Variants in OR1J4 observed in about 807,000 individuals in gnomAD.
The protein encoded by OR1J4 is olfactory receptor 1J4.
For synonymous variants in OR1J4, 154 were observed against 152.6 expected (o/e 1.01, Z -0.07); for missense variants, 350 against 371.1 (o/e 0.94, Z 0.47).
chr9:122,519,827 A>G lies in OR1J4; in HGVS notation c.687A>G (p.Pro229=). Residue 229 remains proline (P), a synonymous_variant, in exon 1 of 1, where the codon CCA becomes CCG. Coordinates refer to ENST00000340750, the MANE Select transcript of OR1J4 (RefSeq NM_001004452.1). ...TTGGGGTCACCATCCTCAAGGCTCCATCTACTAAGGGCATCTTCAAAGCTT... is the reference window on the plus strand; with the variant it reads ...TTGGGGTCACCATCCTCAAGGCTCCGTCTACTAAGGGCATCTTCAAAGCTT... The part of the protein sequence containing the change: ...GHIGVTILKA[P]STKGIFKALS... 1 of 1,614,106 alleles carries G rather than the reference A, an allele frequency of 6.2e-7. No individual in the cohort carries two copies. Among genetic ancestry groups the G allele is most frequent in the Non-Finnish European group, 8.5e-7 (1 of 1,180,030 alleles).
rs2119392024 is a variant in OR1J4, at chr9:122,519,818, C to G, written c.678C>G (p.Leu226=). 1 of 1,614,152 alleles carries G rather than the reference C, an allele frequency of 6.2e-7. No homozygotes were observed. ...ISYGHIGVTI[L]KAPSTKGIFK... ...ATGGCCACATTGGGGTCACCATCCTCAAGGCTCCATCTACTAAGGGCATCT... is the reference window on the plus strand; with the variant it reads ...ATGGCCACATTGGGGTCACCATCCTGAAGGCTCCATCTACTAAGGGCATCT... The change falls in exon 1 of 1, where the codon CTC becomes CTG. Residue 226 remains leucine, a synonymous_variant. Transcript: ENST00000340750.
Position 122,519,706 on chromosome 9 carries a change from G to A in OR1J4, c.566G>A (p.Cys189Tyr), listed in dbSNP as rs1159252424. The A allele has an allele frequency of 6.2e-7, 1 of 1,614,018 alleles. No individual in the cohort carries two copies. The highest frequency in any genetic ancestry group is 2.2e-5 in the East Asian group (1 of 44,878). The change falls in exon 1 of 1, where the codon TGC becomes TAC. Residue 189 changes from cysteine to tyrosine, a missense_variant. Physicochemically the swap from Cys to Tyr is radical, Grantham distance 194. Transcript: ENST00000340750. ...CTTGTTGCCCTACTCAAGCTCTCAT[G>A]CTCAGACATCTCCCTCAATGAGCTG... ...CDLVALLKLS[C>Y]SDISLNELVI... is the part of the protein sequence containing the mutation.
chr9:122,519,932 CA>C lies in OR1J4; in HGVS notation c.793del (p.Ser265ValfsTer8), dbSNP rs765719432. The stretch of plus-strand genomic sequence containing the variant: ...TTGGACTGTATTTTCTCCCCTCATC[CA>C]GTGCCTCCAGTGACAAGGACGTAAT... ...IIGLYFLPSS[S>X]ASSDKDVIAS... On this transcript the variant is annotated frameshift_variant, in exon 1 of 1. Coordinates refer to ENST00000340750, the MANE Select transcript of OR1J4 (RefSeq NM_001004452.1). LOFTEE classifies it low-confidence loss of function (END_TRUNC). The C allele has an allele frequency of 6.2e-7, 1 of 1,614,166 alleles. No homozygotes were observed. Among genetic ancestry groups the C allele is most frequent in the Non-Finnish European group, 8.5e-7 (1 of 1,180,036 alleles).
In OR1J4 at chr9:122,519,324, T is replaced by G; in HGVS notation, c.184T>G (p.Phe62Val). ...DSHLHTPMFF[F>V]LSHLALTDIS... is the part of the protein sequence containing the mutation. ...TCACCTTCACACCCCCATGTTCTTCTTCCTCAGCCACTTGGCTCTCACTGA... is the reference window on the plus strand; with the variant it reads ...TCACCTTCACACCCCCATGTTCTTCGTCCTCAGCCACTTGGCTCTCACTGA... Residue 62 changes from phenylalanine (F) to valine (V), a missense_variant, in exon 1 of 1, where the codon TTC becomes GTC. Coordinates refer to ENST00000340750, the MANE Select transcript of OR1J4 (RefSeq NM_001004452.1). 6.2e-7 allele frequency: 1 copy of G among 1,614,154 alleles called. No individual in the cohort carries two copies. The highest frequency in any genetic ancestry group is 8.5e-7 in the Non-Finnish European group (1 of 1,180,022).
rs373116349 is a variant in OR1J4, at chr9:122,520,066, C to T, written c.926C>T (p.Thr309Ile). The T allele has an allele frequency of 1.7e-5, 28 of 1,611,592 alleles. No individual in the cohort carries two copies. In the African/African-American group the frequency reaches 3.5e-4, roughly 20 times the overall value. Residue 309 changes from threonine (T) to isoleucine (I), a missense_variant, in exon 1 of 1, where the codon ACA becomes ATA. Coordinates refer to ENST00000340750, the MANE Select transcript of OR1J4 (RefSeq NM_001004452.1). ...CTGGAGAGACTCTTCAACAGGGCAA[C>T]AGTCTTATCTCAATGACATTTACTC... ...GALERLFNRATVLSQ is the reference protein window; with the variant it reads ...GALERLFNRAIVLSQ
Position 122,519,793 on chromosome 9 carries a change from A to T in OR1J4, c.653A>T (p.Tyr218Phe). 1.2e-6 allele frequency: 2 copies of T among 1,614,148 alleles called. No homozygotes were observed. Among genetic ancestry groups the T allele is most frequent in the Non-Finnish European group, 1.7e-6 (2 of 1,180,022 alleles). Residue 218 changes from tyrosine (Y) to phenylalanine (F), a missense_variant, in exon 1 of 1, where the codon TAT (tyrosine) becomes TTT (phenylalanine). By Grantham distance (22) the Tyr-to-Phe change is conservative (BLOSUM62 3). Coordinates refer to ENST00000340750, the MANE Select transcript of OR1J4 (RefSeq NM_001004452.1). ...TLPLICILISYGHIGVTILKA... is the reference protein window; with the variant it reads ...TLPLICILISFGHIGVTILKA... The stretch of plus-strand genomic sequence containing the variant: ...CCACTAATATGCATCTTGATCTCTT[A>T]TGGCCACATTGGGGTCACCATCCTC...
At position 122,519,323 on chromosome 9, in the gene OR1J4, C is replaced by T. The variant is rs1319005562; in HGVS notation, c.183C>T (p.Phe61=). The T allele has an allele frequency of 6.2e-7, 1 of 1,614,184 alleles. No individual in the cohort carries two copies. Among genetic ancestry groups the T allele is most frequent in the Admixed American group, 1.7e-5 (1 of 60,024 alleles). The part of the protein sequence containing the change: ...LDSHLHTPMF[F]FLSHLALTDI... ...CTCACCTTCACACCCCCATGTTCTTCTTCCTCAGCCACTTGGCTCTCACTG... is the reference window on the plus strand; with the variant it reads ...CTCACCTTCACACCCCCATGTTCTTTTTCCTCAGCCACTTGGCTCTCACTG... The change falls in exon 1 of 1, where the codon TTC becomes TTT. Residue 61 remains phenylalanine (F), a synonymous_variant. Coordinates refer to ENST00000340750, the MANE Select transcript of OR1J4 (RefSeq NM_001004452.1).
chr9:122,519,527 C>G lies in OR1J4; in HGVS notation c.387C>G (p.Pro129=), dbSNP rs1272287474. 4 of 1,614,070 alleles carry G rather than the reference C, an allele frequency of 2.5e-6. No homozygotes were observed. Among genetic ancestry groups the G allele is most frequent in the African/African-American group, 2.7e-5 (2 of 74,926 alleles). The change falls in exon 1 of 1, where the codon CCC becomes CCG. Residue 129 remains proline (P), a synonymous_variant. Coordinates refer to ENST00000340750, the MANE Select transcript of OR1J4 (RefSeq NM_001004452.1). Reference sequence around the variant, plus strand: ...ATCGGTATGTGGCCATCTGTCACCCCCTCCGCTACACCACTATCATGAAAG... The same window carrying G: ...ATCGGTATGTGGCCATCTGTCACCCGCTCCGCTACACCACTATCATGAAAG... ...AYDRYVAICH[P]LRYTTIMKEG...
At position 122,519,780 on chromosome 9, in the gene OR1J4, A is replaced by C. The variant is rs1828751420; in HGVS notation, c.640A>C (p.Ile214Leu). 7 of 1,614,102 alleles carry C rather than the reference A, an allele frequency of 4.3e-6. No individual in the cohort carries two copies. Among genetic ancestry groups the C allele is most frequent in the Non-Finnish European group, 5.9e-6 (7 of 1,180,016 alleles). Residue 214 changes from isoleucine (I) to leucine (L), a missense_variant, in exon 1 of 1, where the codon ATC becomes CTC. Coordinates refer to ENST00000340750, the MANE Select transcript of OR1J4 (RefSeq NM_001004452.1). ...AGTCATTACTCTACCACTAATATGCATCTTGATCTCTTATGGCCACATTGG... is the reference window on the plus strand; with the variant it reads ...AGTCATTACTCTACCACTAATATGCCTCTTGATCTCTTATGGCCACATTGG... ...QAVITLPLIC[I>L]LISYGHIGVT...
In OR1J4 at chr9:122,519,416, T is replaced by A. The variant is rs1828743862; in HGVS notation, c.276T>A (p.Ile92=). The change falls in exon 1 of 1, where the codon ATT becomes ATA. Residue 92 remains isoleucine, a synonymous_variant. Transcript: ENST00000340750. ...LLSMQTQDQS[I]LYAGCVTQMY... ...GCATGCAAACTCAGGATCAATCCAT[T>A]CTTTATGCAGGGTGTGTAACTCAGA... is the stretch of plus-strand genomic sequence containing the variant. The A allele has an allele frequency of 1.9e-6, 3 of 1,614,056 alleles. No homozygotes were observed. The African/African-American group carries it at 4.0e-5, about 22-fold the overall frequency.
In OR1J4 at chr9:122,519,260, G is replaced by A. The variant is rs746166132; in HGVS notation, c.120G>A (p.Leu40=). The change falls in exon 1 of 1, where the codon CTG becomes CTA. Residue 40 remains leucine, a synonymous_variant. Coordinates refer to ENST00000340750, the MANE Select transcript of OR1J4 (RefSeq NM_001004452.1). ...LFLGMYLITV[L]GNLLIILLIR... is the part of the protein sequence containing the mutation. The stretch of plus-strand genomic sequence containing the variant: ...TGGGCATGTACCTGATCACGGTGCT[G>A]GGGAACCTGCTCATCATCCTGCTCA... 6.2e-7 allele frequency: 1 copy of A among 1,613,944 alleles called. No homozygotes were observed. Among genetic ancestry groups the A allele is most frequent in the Admixed American group, 1.7e-5 (1 of 60,018 alleles).
rs763138635 is a variant in OR1J4, at chr9:122,520,052, C to G, written c.912C>G (p.Leu304=). The part of the protein sequence containing the change: ...NRDIKGALER[L]FNRATVLSQ ...ACATAAAGGGAGCCCTGGAGAGACTCTTCAACAGGGCAACAGTCTTATCTC... is the reference window on the plus strand; with the variant it reads ...ACATAAAGGGAGCCCTGGAGAGACTGTTCAACAGGGCAACAGTCTTATCTC... Residue 304 remains leucine (L), a synonymous_variant, in exon 1 of 1, where the codon CTC becomes CTG. Transcript: ENST00000340750. The G allele has an allele frequency of 5.0e-6, 8 of 1,613,246 alleles. No individual in the cohort carries two copies. In the African/African-American group the frequency reaches 9.3e-5, roughly 19 times the overall value.
At position 122,519,386 on chromosome 9, in the gene OR1J4, A is replaced by G. The variant is rs1396339286; in HGVS notation, c.246A>G (p.Leu82=). 6.2e-7 allele frequency: 1 copy of G among 1,614,074 alleles called. No homozygotes were observed. Among genetic ancestry groups the G allele is most frequent in the African/African-American group, 1.3e-5 (1 of 74,920 alleles). The change falls in exon 1 of 1, where the codon TTA becomes TTG. Residue 82 remains leucine (L), a synonymous_variant. Coordinates refer to ENST00000340750, the MANE Select transcript of OR1J4 (RefSeq NM_001004452.1). ...SLSSVTVPKM[L]LSMQTQDQSI... is the part of the protein sequence containing the mutation. ...CATCTGTCACTGTCCCAAAGATGTT[A>G]TTAAGCATGCAAACTCAGGATCAAT...
Position 122,519,977 on chromosome 9 carries a change from G to A in OR1J4, c.837G>A (p.Thr279=), listed in dbSNP as rs574947740. 8 of 1,614,132 alleles carry A rather than the reference G, an allele frequency of 5.0e-6. No individual in the cohort carries two copies. The highest frequency in any genetic ancestry group is 4.5e-5 in the East Asian group (2 of 44,894). ...DKDVIASVMY[T]VITPLLNPFI... ...ACGTAATTGCCTCTGTGATGTACAC[G>A]GTGATCACCCCATTGCTGAATCCCT... Residue 279 remains threonine (T), a synonymous_variant, in exon 1 of 1, where the codon ACG becomes ACA. Coordinates refer to ENST00000340750, the MANE Select transcript of OR1J4 (RefSeq NM_001004452.1).
At position 122,519,562 on chromosome 9, in the gene OR1J4, G is replaced by C; in HGVS notation, c.422G>C (p.Cys141Ser). Residue 141 changes from cysteine to serine, a missense_variant, in exon 1 of 1, where the codon TGT (cysteine) becomes TCT (serine). Physicochemically the swap from Cys to Ser is moderately radical, Grantham distance 112. Transcript: ENST00000340750. ...RYTTIMKEGL[C>S]NLLVTVSWIL... The stretch of plus-strand genomic sequence containing the variant: ...ACCACTATCATGAAAGAGGGACTGT[G>C]TAACTTACTAGTCACTGTGTCCTGG... The C allele has an allele frequency of 6.2e-7, 1 of 1,614,156 alleles. No individual in the cohort carries two copies. Among genetic ancestry groups the C allele is most frequent in the East Asian group, 2.2e-5 (1 of 44,888 alleles).
chr9:122,519,976 C>G lies in OR1J4; in HGVS notation c.836C>G (p.Thr279Arg). ...DKDVIASVMY[T>R]VITPLLNPFI... ...GACGTAATTGCCTCTGTGATGTACACGGTGATCACCCCATTGCTGAATCCC... is the reference window on the plus strand; with the variant it reads ...GACGTAATTGCCTCTGTGATGTACAGGGTGATCACCCCATTGCTGAATCCC... Residue 279 changes from threonine (T) to arginine (R), a missense_variant, in exon 1 of 1, where the codon ACG becomes AGG. Physicochemically the swap from Thr to Arg is moderately conservative, Grantham distance 71. Transcript: ENST00000340750. 6.2e-7 allele frequency: 1 copy of G among 1,614,060 alleles called. No individual in the cohort carries two copies. Among genetic ancestry groups the G allele is most frequent in the Non-Finnish European group, 8.5e-7 (1 of 1,179,920 alleles).
Position 122,520,077 on chromosome 9 carries a change from C to G in OR1J4, c.937C>G (p.Gln313Glu), listed in dbSNP as rs375451445. 1 of 1,606,372 alleles carries G rather than the reference C, an allele frequency of 6.2e-7. No individual in the cohort carries two copies. The highest frequency in any genetic ancestry group is 8.5e-7 in the Non-Finnish European group (1 of 1,173,948). The change falls in exon 1 of 1, where the codon CAA becomes GAA. Residue 313 changes from glutamine to glutamate, a missense_variant. Physicochemically the swap from Gln to Glu is conservative, Grantham distance 29 (BLOSUM62 2). Coordinates refer to ENST00000340750, the MANE Select transcript of OR1J4 (RefSeq NM_001004452.1). ...RLFNRATVLS[Q>E] is the part of the protein sequence containing the mutation. ...CTTCAACAGGGCAACAGTCTTATCT[C>G]AATGACATTTACTCTTCTTTATAAC...
At position 122,519,544 on chromosome 9, in the gene OR1J4, T is replaced by C. The variant is rs1217724881; in HGVS notation, c.404T>C (p.Ile135Thr). Residue 135 changes from isoleucine to threonine, a missense_variant, in exon 1 of 1, where the codon ATC becomes ACC. Transcript: ENST00000340750. ...AICHPLRYTT[I>T]MKEGLCNLLV... ...TGTCACCCCCTCCGCTACACCACTA[T>C]CATGAAAGAGGGACTGTGTAACTTA... 5.0e-6 allele frequency: 8 copies of C among 1,614,006 alleles called. No individual in the cohort carries two copies. In the South Asian group the frequency reaches 7.7e-5, roughly 16 times the overall value.
In OR1J4 at chr9:122,519,953, C is replaced by A. The variant is rs763054028; in HGVS notation, c.813C>A (p.Asp271Glu). The change falls in exon 1 of 1, where the codon GAC becomes GAA. Residue 271 changes from aspartate (D) to glutamate (E), a missense_variant. Coordinates refer to ENST00000340750, the MANE Select transcript of OR1J4 (RefSeq NM_001004452.1). Reference sequence around the variant, plus strand: ...CATCCAGTGCCTCCAGTGACAAGGACGTAATTGCCTCTGTGATGTACACGG... The same window carrying A: ...CATCCAGTGCCTCCAGTGACAAGGAAGTAATTGCCTCTGTGATGTACACGG... ...LPSSSASSDKDVIASVMYTVI... is the reference protein window; with the variant it reads ...LPSSSASSDKEVIASVMYTVI... 2.5e-6 allele frequency: 4 copies of A among 1,614,088 alleles called. No homozygotes were observed. The Admixed American group carries it at 6.7e-5, about 27-fold the overall frequency.
Sources: gnomAD v4.1 joint callset for allele counts on GRCh38, gnomAD v4.1.1 for gene constraint, MANE v1.5 for transcripts, NCBI Gene and HGNC (gene_info 2026-07-23, HGNC 2026-07-21) for gene names.